ARHGAP15: variants seen among roughly 807,000 people sequenced by gnomAD.
The protein encoded by ARHGAP15 is Rho GTPase activating protein 15, also known as rho GTPase-activating protein 15.
In ARHGAP15, 51 loss-of-function variants were observed where a neutral mutation model predicts 63.7. That is an observed-to-expected ratio of 0.80 (90% CI 0.64 to 1.01). The LOEUF (loss-of-function observed/expected upper bound fraction) is 1.01, where lower values mean the gene tolerates loss of function less well. Ranked by LOEUF, ARHGAP15 falls within the 50% of genes least tolerant of loss-of-function variation. ARHGAP15 has a pLI of 0.00. For missense variants in ARHGAP15, 560 were observed against 564.6 expected, an observed-to-expected ratio of 0.99 and a Z score of 0.08; for synonymous variants, 191 against 193.8, an observed-to-expected ratio of 0.99 and a Z score of 0.12.
chr2:143,414,613 A>C (rs1424841492), intron 6 of ARHGAP15, among the ~76,000 whole-genome samples: 1 of 152,210 alleles, frequency 6.6e-6, no homozygotes, highest in Admixed American at 6.5e-5. Context: ...AGCACTCTCC[A>C]TGTTATATAA....
intron 12 of ARHGAP15, among the ~76,000 whole-genome samples, chr2:143,661,865 CT>C (rs1681806949): frequency 6.6e-6 from 1 of 152,184 alleles, no homozygotes; most frequent in African/African-American, 2.4e-5. Context: ...TTCGGACCGG[CT>C]TAAAAAATGG....
intron 11 of ARHGAP15, among the ~76,000 whole-genome samples, chr2:143,578,408 G>T (rs1299323226): frequency 1.3e-5 from 2 of 152,160 alleles, no homozygotes; most frequent in African/African-American, 4.8e-5. Context: ...GGTAAATATT[G>T]AGAGGGCCAG....
At chr2:143,509,331 T>C (rs888521059) in intron 9 of ARHGAP15, among the ~76,000 whole-genome samples, 3 of 124,296 alleles carry the variant, frequency 2.4e-5, no homozygotes, top group East Asian at 4.9e-4. Context: ...TTGCCTCTTA[T>C]GAAAAAAAAA....
At chr2:143,602,222 G>A (rs1697800577) in intron 11 of ARHGAP15, among the ~76,000 whole-genome samples, 1 of 152,100 alleles carries the variant, frequency 6.6e-6, no homozygotes. Context: ...TTTCTAACTG[G>A]ACAGGAAAAG....
At chr2:143,401,908 A>G (rs1222240532) in intron 6 of ARHGAP15, among the ~76,000 whole-genome samples, 3 of 151,954 alleles carry the variant, frequency 2.0e-5, no homozygotes, top group Non-Finnish European at 4.4e-5. Flanking sequence ...AATGTGAAAC[A>G]TTTCACATTT....
intron 6 of ARHGAP15, among the ~76,000 whole-genome samples, chr2:143,281,562 A>T (rs538856346): frequency 2.0e-5 from 3 of 152,164 alleles, no homozygotes; most frequent in South Asian, 2.1e-4. Flanking sequence ...TGACTCTTCC[A>T]TAGGTAACGT....
At chr2:143,130,624 G>A (rs946751494) in intron 1 of ARHGAP15, among the ~76,000 whole-genome samples, 7 of 152,014 alleles carry the variant, frequency 4.6e-5, no homozygotes, top group Non-Finnish European at 1.5e-5. Flanking sequence ...GAAATTATTA[G>A]GCATAGTAGT....
intron 9 of ARHGAP15, among the ~76,000 whole-genome samples, chr2:143,511,987 C>T (rs1413303145): frequency 6.6e-6 from 1 of 152,168 alleles, no homozygotes; most frequent in African/African-American, 2.4e-5. Context: ...ATGTTGTAGT[C>T]TACATTCTTT....
intron 4 of ARHGAP15, among the ~76,000 whole-genome samples, chr2:143,222,477 G>C (rs1352319375): frequency 6.6e-6 from 1 of 152,198 alleles, no homozygotes; most frequent in African/African-American, 2.4e-5. Flanking sequence ...TTGGTGTTTA[G>C]AGCAAATGAA....
At chr2:143,288,693 T>C (rs1320823739) in intron 6 of ARHGAP15, among the ~76,000 whole-genome samples, 1 of 151,852 alleles carries the variant, frequency 6.6e-6, no homozygotes, top group African/African-American at 2.4e-5. Flanking sequence ...TATTCTTAGC[T>C]TCACCTGAAG....
intron 6 of ARHGAP15, among the ~76,000 whole-genome samples, chr2:143,420,519 T>C (rs1370124329): frequency 6.6e-6 from 1 of 152,142 alleles, no homozygotes; most frequent in Non-Finnish European, 1.5e-5. Flanking sequence ...GTAATTTTGG[T>C]GCAGGAAGGA....
At chr2:143,673,754 G>GTATATA (rs1166388931) in intron 12 of ARHGAP15, among the ~76,000 whole-genome samples, 5 of 31,424 alleles carry the variant, frequency 1.6e-4, no homozygotes, top group African/African-American at 2.9e-4. Flanking sequence ...GTGTGTGTGT[G>GTATATA]TGTGTATATA....
intron 6 of ARHGAP15, among the ~76,000 whole-genome samples, chr2:143,294,108 A>G (rs1236361561): frequency 1.3e-5 from 2 of 152,026 alleles, no homozygotes; most frequent in African/African-American, 4.8e-5. Context: ...ATTCCTACTC[A>G]ATAAGCACCT....
intron 6 of ARHGAP15, among the ~76,000 whole-genome samples, chr2:143,419,525 G>C (rs1422839998): frequency 1.3e-5 from 2 of 151,744 alleles, no homozygotes; most frequent in Non-Finnish European, 2.9e-5. Context: ...ATAACAAAAT[G>C]TTAGGAAGTC....
intron 9 of ARHGAP15, among the ~76,000 whole-genome samples, chr2:143,511,927 T>A (rs1693610123): frequency 6.6e-6 from 1 of 152,208 alleles, no homozygotes; most frequent in African/African-American, 2.4e-5. Flanking sequence ...CCATGTGATG[T>A]GCATTATCAT....
At chr2:143,603,721 C>T (rs576848859) in intron 11 of ARHGAP15, among the ~76,000 whole-genome samples, 2 of 152,126 alleles carry the variant, frequency 1.3e-5, no homozygotes, top group Admixed American at 1.3e-4. Flanking sequence ...GAACTTCCAG[C>T]GGCAGCTCTT....
intron 11 of ARHGAP15, among the ~76,000 whole-genome samples, chr2:143,618,667 T>A (rs913553018): frequency 2.0e-5 from 3 of 152,190 alleles, no homozygotes; most frequent in African/African-American, 7.2e-5. Context: ...CTTTCTTGAC[T>A]TGGTTACTCT....
intron 10 of ARHGAP15, among the ~76,000 whole-genome samples, chr2:143,542,502 T>C (rs1435153073): frequency 1.3e-5 from 2 of 151,800 alleles, no homozygotes; most frequent in African/African-American, 2.4e-5. Context: ...GCTGTTCCTA[T>C]TCGGCCATCT....
chr2:143,754,111 GTC>G (rs1489198272), intron 13 of ARHGAP15, among the ~76,000 whole-genome samples: 1 of 152,110 alleles, frequency 6.6e-6, no homozygotes, highest in African/African-American at 2.4e-5. Context: ...AGTTAAGACT[GTC>G]TTCCAGATTT....
Sources: gnomAD v4.1 joint callset for allele counts (sites outside exome capture counted in the v4.1 genomes callset) on GRCh38, gnomAD v4.1.1 for gene constraint, MANE v1.5 for transcripts, NCBI Gene and HGNC (gene_info 2026-07-23, HGNC 2026-07-21) for gene names.